The following DRC8 variants were observed in gnomAD, a reference collection of about 807,000 sequenced individuals.
The protein encoded by DRC8 is dynein regulatory complex subunit 8, also known as dynein regulatory complex protein 8.
chr1:245,067,674 A>G, the DRC8 span, among the ~76,000 whole-genome samples: 1 of 152,262 alleles, frequency 6.6e-6, no homozygotes, highest in African/African-American at 2.4e-5. Context: ...GTAGAACAAG[A>G]TCCACGTAAT....
chr1:244,993,899 C>T, the DRC8 span, among the ~76,000 whole-genome samples: 1 of 152,204 alleles, frequency 6.6e-6, no homozygotes, highest in Non-Finnish European at 1.5e-5. Flanking sequence ...CCTCCCAAAA[C>T]TTGCATGGGG....
At chr1:245,117,213 C>T in the DRC8 span, among the ~76,000 whole-genome samples, 19 of 151,968 alleles carry the variant, frequency 1.3e-4, no homozygotes, top group South Asian at 2.1e-4. Context: ...CCACCACACC[C>T]GGCTAATTTC....
At chr1:245,124,929 C>T in the DRC8 span, 5 of 152,378 alleles carry the variant, frequency 3.3e-5, no homozygotes, top group East Asian at 9.7e-4. Context: ...CCATTTCCTC[C>T]TTCGGTGGCC....
At chr1:245,108,994 G>A in the DRC8 span, among the ~76,000 whole-genome samples, 1 of 152,188 alleles carries the variant, frequency 6.6e-6, no homozygotes, top group Admixed American at 6.5e-5. Flanking sequence ...TTGTATTTGG[G>A]AGGAAACAAT....
At chr1:245,017,763 G>A in the DRC8 span, among the ~76,000 whole-genome samples, 88 of 152,176 alleles carry the variant, frequency 5.8e-4, no homozygotes, top group Admixed American at 2.1e-3. Flanking sequence ...CTGTAAAATA[G>A]CAAAAAGAAC....
At chr1:245,084,067 C>CG in the DRC8 span, among the ~76,000 whole-genome samples, 1 of 118,200 alleles carries the variant, frequency 8.5e-6, no homozygotes, top group East Asian at 2.3e-4. Context: ...ATTCCGCCCC[C>CG]CCCCCGGCGC....
the DRC8 span, among the ~76,000 whole-genome samples, chr1:244,992,672 G>A: frequency 2.0e-5 from 3 of 152,100 alleles, no homozygotes; most frequent in Non-Finnish European, 2.9e-5. Context: ...CCTGGGAGGC[G>A]AAGGTTGCAG....
At chr1:245,091,386 G>A in the DRC8 span, 3 of 152,330 alleles carry the variant, frequency 2.0e-5, no homozygotes, top group Admixed American at 1.3e-4. Context: ...GGAGCATACA[G>A]GACAGCTCTG....
At chr1:245,100,640 G>A in the DRC8 span, among the ~76,000 whole-genome samples, 1 of 151,532 alleles carries the variant, frequency 6.6e-6, no homozygotes, top group Middle Eastern at 3.4e-3. Flanking sequence ...AATTAGCCAG[G>A]TGTGGTGGTG....
chr1:245,031,156 A>G, the DRC8 span, among the ~76,000 whole-genome samples: 1 of 152,006 alleles, frequency 6.6e-6, no homozygotes, highest in African/African-American at 2.4e-5. Context: ...TTCTAGGCCA[A>G]CAGTTGGAAC....
chr1:245,071,631 G>C, the DRC8 span, among the ~76,000 whole-genome samples: 58 of 152,152 alleles, frequency 3.8e-4, no homozygotes, highest in Non-Finnish European at 7.1e-4. Context: ...AGAAAATGGT[G>C]GTATTCATAC....
chr1:245,119,589 T>C, the DRC8 span, among the ~76,000 whole-genome samples: 2 of 149,332 alleles, frequency 1.3e-5, no homozygotes, highest in East Asian at 4.0e-4. Flanking sequence ...AAGTGAGCCA[T>C]GATCACGCCA....
At chr1:244,980,136 G>T in the DRC8 span, among the ~76,000 whole-genome samples, 2 of 149,056 alleles carry the variant, frequency 1.3e-5, no homozygotes, top group Non-Finnish European at 3.0e-5. Flanking sequence ...GGACAATGGC[G>T]TGGACCCAGG....
the DRC8 span, among the ~76,000 whole-genome samples, chr1:245,037,233 A>G: frequency 3.3e-5 from 5 of 152,228 alleles, no homozygotes; most frequent in Admixed American, 1.3e-4. Context: ...AATCTTATGA[A>G]TATCTGTACA....
the DRC8 span, among the ~76,000 whole-genome samples, chr1:245,037,996 C>T: frequency 6.6e-6 from 1 of 152,044 alleles, no homozygotes; most frequent in Non-Finnish European, 1.5e-5. Context: ...AACAAATAGA[C>T]ATACCATGTT....
chr1:245,065,867 T>C, the DRC8 span, among the ~76,000 whole-genome samples: 1 of 151,838 alleles, frequency 6.6e-6, no homozygotes, highest in Admixed American at 6.6e-5. Flanking sequence ...CTGTTTACAC[T>C]CTTTAGAAGG....
chr1:245,069,623 G>A, the DRC8 span, among the ~76,000 whole-genome samples: 3 of 152,170 alleles, frequency 2.0e-5, no homozygotes, highest in Non-Finnish European at 4.4e-5. Flanking sequence ...GGGGAATGGC[G>A]GAGGGGAAAG....
chr1:245,060,677 G>A, the DRC8 span, among the ~76,000 whole-genome samples: 1 of 152,194 alleles, frequency 6.6e-6, no homozygotes, highest in Non-Finnish European at 1.5e-5. Context: ...GTGTGGAAGA[G>A]GTAAGAACTA....
chr1:244,970,369 C>A, the DRC8 span: 1 of 1,531,510 alleles, frequency 6.5e-7, no homozygotes, highest in African/African-American at 1.4e-5. Flanking sequence ...CGGGACACCG[C>A]GGCCGAGGTT....
Sources: allele counts gnomAD v4.1 joint callset (sites outside exome capture counted in the v4.1 genomes callset), GRCh38; gene constraint gnomAD v4.1.1; transcripts MANE v1.5; gene names NCBI Gene and HGNC (gene_info 2026-07-23, HGNC 2026-07-21).